SCUBE1: variants seen among roughly 807,000 people sequenced by gnomAD.
SCUBE1 encodes signal peptide, CUB domain and EGF like domain containing 1, also known as signal peptide, CUB and EGF-like domain-containing protein 1.
Under a neutral mutation model 124.4 loss-of-function variants are expected in SCUBE1, and 59 were observed. That is an observed-to-expected ratio of 0.47 (90% confidence interval 0.38 to 0.59). SCUBE1 has a LOEUF of 0.59. Among genes scored for constraint, SCUBE1 ranks in the 20% least tolerant of loss-of-function variants. The probability of loss-of-function intolerance (pLI) is 0.00; values close to 1 mark genes in which losing one functional copy is unlikely to be tolerated. For synonymous variants in SCUBE1, 545 were observed against 550.9 expected, an observed-to-expected ratio of 0.99 and a Z score of 0.15; for missense variants, 1,150 against 1,371.2, an observed-to-expected ratio of 0.84 and a Z score of 2.55.
intron 3 of SCUBE1, among the ~76,000 whole-genome samples, chr22:43,298,531 G>C (rs2146760040): frequency 6.6e-6 from 1 of 152,326 alleles, no homozygotes; most frequent in African/African-American, 2.4e-5. Context: ...GGTGAAGCCT[G>C]CTGGCCGCTG....
At chr22:43,328,930 C>G (rs1002079720) in intron 2 of SCUBE1, among the ~76,000 whole-genome samples, 3 of 152,226 alleles carry the variant, frequency 2.0e-5, no homozygotes, top group African/African-American at 7.2e-5. Context: ...TTCCCAAGAT[C>G]ACCCAGCTAG....
chr22:43,313,172 G>T (rs961225500), intron 3 of SCUBE1, among the ~76,000 whole-genome samples: 2 of 152,202 alleles, frequency 1.3e-5, no homozygotes, highest in African/African-American at 2.4e-5. Context: ...TCTCACTCAA[G>T]TAGGACGGTC....
chr22:43,280,712 C>CGGCCACCCTCCTGTCACGTCCCTCATT (rs1924767708), intron 4 of SCUBE1, among the ~76,000 whole-genome samples: 1 of 64,894 alleles, frequency 1.5e-5, no homozygotes, highest in South Asian at 5.6e-4. Context: ...CCTTCCTCCT[C>CGGCCACCCTCCTGTCACGTCCCTCATT]GGCCACCCTC....
At chr22:43,229,268 C>A in intron 8 of SCUBE1, 80 bp from the exon 9 acceptor site, 3 of 981,524 alleles carry the variant, frequency 3.1e-6, no homozygotes, top group Non-Finnish European at 4.9e-6. Context: ...CTCTCAGTCA[C>A]TCAAGGCACA....
chr22:43,238,780 G>A (rs778006761), intron 7 of SCUBE1, 58 bp downstream of exon 7: 10 of 1,400,424 alleles, frequency 7.1e-6, no homozygotes, highest in Admixed American at 3.4e-5. Context: ...GCAAGCACAC[G>A]GAGGCTCTTG....
intron 3 of SCUBE1, among the ~76,000 whole-genome samples, chr22:43,299,426 G>A (rs996111804): frequency 2.0e-5 from 3 of 152,120 alleles, no homozygotes; most frequent in Admixed American, 6.5e-5. Context: ...GAAGCCGCTC[G>A]GCTCCTGACA....
At chr22:43,230,249 G>C (rs967458434) in intron 8 of SCUBE1, among the ~76,000 whole-genome samples, 17 of 151,966 alleles carry the variant, frequency 1.1e-4, no homozygotes, top group African/African-American at 3.9e-4. Flanking sequence ...TGTTCCCTTG[G>C]GCCCAGCCCC....
chr22:43,302,007 C>G (rs1925791247), intron 3 of SCUBE1, among the ~76,000 whole-genome samples: 1 of 152,212 alleles, frequency 6.6e-6, no homozygotes, highest in African/African-American at 2.4e-5. Flanking sequence ...GGAAGCAGCT[C>G]TGGATGAGTG....
chr22:43,337,397 C>T (rs1927118434), intron 2 of SCUBE1, among the ~76,000 whole-genome samples: 1 of 152,228 alleles, frequency 6.6e-6, no homozygotes. Flanking sequence ...GGGGGTCAAC[C>T]ATGGCCCCGC....
chr22:43,220,652 C>G, intron 13 of SCUBE1, 65 bp from the exon 14 acceptor site: 1 of 1,574,078 alleles, frequency 6.4e-7, no homozygotes, highest in Non-Finnish European at 8.6e-7. Flanking sequence ...CCTACCAAGC[C>G]CTGCATACAG....
chr22:43,276,594 T>C (rs1260397906), intron 4 of SCUBE1, among the ~76,000 whole-genome samples: 1 of 152,188 alleles, frequency 6.6e-6, no homozygotes, highest in Non-Finnish European at 1.5e-5. Context: ...CCTCGGCTGC[T>C]TCCCCACTCT....
rs1264036944 is a variant in SCUBE1 at position 43,197,297 on chromosome 22, T to C, written c.*6700A>G. 6.6e-6 allele frequency: 1 copy of C among 152,242 alleles called. No homozygotes were observed. Among genetic ancestry groups the C allele is most frequent in the East Asian group, 1.9e-4 (1 of 5,202 alleles). 9.4% of individuals were successfully genotyped at this position (152,242 alleles called of 1,614,324 possible). A position where few individuals can be genotyped will look rare whatever the true frequency, so the allele number is the denominator to read the frequency against. On this transcript the variant is annotated 3_prime_UTR_variant, in exon 22 of 22. Transcript: ENST00000360835. ...GAGCAATATTTAGGTTCATTTCCTG[T>C]TTATTATTAAAGTGATTTTCACAAA... is the stretch of plus-strand genomic sequence containing the variant.
At chr22:43,268,071 G>A (rs1008526500) in intron 4 of SCUBE1, among the ~76,000 whole-genome samples, 2 of 152,328 alleles carry the variant, frequency 1.3e-5, no homozygotes, top group Admixed American at 6.5e-5. Flanking sequence ...GCTCCCCTGA[G>A]CCAGCCAGGT....
At chr22:43,226,899 G>C (rs1050657416) in intron 10 of SCUBE1, among the ~76,000 whole-genome samples, 24 of 152,094 alleles carry the variant, frequency 1.6e-4, no homozygotes, top group African/African-American at 5.1e-4. Context: ...GGCTTTCCAG[G>C]AGGCACTGCC....
rs116443545 is a variant in SCUBE1 at position 43,294,119 on chromosome 22, T to C, written c.350-2939A>G. Among the ~76,000 whole-genome samples the C allele has an allele frequency of 4.1e-3, 618 of 152,296 alleles. 4 individuals carry two copies. Among genetic ancestry groups the C allele is most frequent in the African/African-American group, 0.014 (586 of 41,560 alleles). ...ATGTCTTGTCCCCACTCCCAAGTGA[T>C]AAAGTCCTGAGATGAAGCAGGTGGG... is the stretch of plus-strand genomic sequence containing the variant. On this transcript the variant is annotated intron_variant, in intron 3 of 21. Coordinates refer to ENST00000360835, the MANE Select transcript of SCUBE1 (RefSeq NM_173050.5).
At chr22:43,205,708 T>A (rs1284568286) in intron 21 of SCUBE1, among the ~76,000 whole-genome samples, 1 of 22,266 alleles carries the variant, frequency 4.5e-5, no homozygotes, top group African/African-American at 2.4e-4. Context: ...CACCACCCAC[T>A]CACCACACAC....
At chr22:43,228,649 G>T (rs563753666) in intron 9 of SCUBE1, among the ~76,000 whole-genome samples, 1 of 152,276 alleles carries the variant, frequency 6.6e-6, no homozygotes, top group Admixed American at 6.5e-5. Context: ...TCCCTCTGGA[G>T]TGCCTCCCTA....
intron 2 of SCUBE1, 28 bp downstream of exon 2, chr22:43,339,076 C>G: frequency 1.2e-6 from 2 of 1,612,254 alleles, no homozygotes; most frequent in Non-Finnish European, 1.7e-6. Context: ...GCCTCAGGGT[C>G]TGCCCGGGAG....
rs758367551 is a variant in SCUBE1, at chr22:43,220,488, G to A, written c.1649C>T (p.Ala550Val). Residue 550 changes from alanine (A) to valine (V), a missense_variant, in exon 14 of 22, where the codon GCA becomes GTA. By Grantham distance (64) the Ala-to-Val change is moderately conservative (BLOSUM62 0). Around this residue, in one of 3 missense-constraint regions of SCUBE1, gnomAD observed 757 missense variants for 840.9 expected, o/e 0.90. Transcript: ENST00000360835. ...SPSKEVSHIT[A>V]EFEIETKMEE... ...CATCTTTGTCTCGATCTCAAACTCTGCTGTGATGTGGGACACCTCCTTGGA... is the reference window on the plus strand; with the variant it reads ...CATCTTTGTCTCGATCTCAAACTCTACTGTGATGTGGGACACCTCCTTGGA... The A allele has an allele frequency of 2.5e-6, 4 of 1,614,146 alleles. No individual in the cohort carries two copies. Among genetic ancestry groups the A allele is most frequent in the Admixed American group, 3.3e-5 (2 of 60,036 alleles).
Sources: gnomAD v4.1 joint callset for allele counts (sites outside exome capture counted in the v4.1 genomes callset) on GRCh38, gnomAD v4.1.1 for gene constraint, gnomAD v4.1.1 regional missense constraint, MANE v1.5 for transcripts, NCBI Gene and HGNC (gene_info 2026-07-23, HGNC 2026-07-21) for gene names.